EYS: variants seen among roughly 807,000 people sequenced by gnomAD.
The protein encoded by EYS is protein eyes shut homolog.
EYS carries 250 observed loss-of-function variants against 282.1 expected under a neutral mutation model. The ratio of observed to expected loss-of-function variants is 0.89; its 90% CI spans 0.80 to 0.98. The LOEUF (loss-of-function observed/expected upper bound fraction) is 0.98. Among genes scored for constraint, EYS ranks in the 50% least tolerant of loss-of-function variants. The pLI, the probability that EYS is intolerant of heterozygous loss-of-function variation, is 0.00. For synonymous variants in EYS, 1,355 were observed against 1,282.9 expected (o/e 1.06, Z -1.20); for missense variants, 4,016 against 3,709.0 (o/e 1.08, Z -2.15).
intron 12 of EYS, among the ~76,000 whole-genome samples, chr6:65,091,879 G>C (rs1774579595): frequency 6.6e-6 from 1 of 152,060 alleles, no homozygotes; most frequent in African/African-American, 2.4e-5. Flanking sequence ...CTGCACTGCT[G>C]ACTCTGTAGG....
In EYS at chr6:63,999,078, A is replaced by T. The variant is rs1270742107; in HGVS notation, c.6831T>A (p.Ser2277=). Residue 2277 remains serine, a synonymous_variant, in exon 34 of 43, where the codon TCT becomes TCA. Coordinates refer to ENST00000503581, the MANE Select transcript of EYS (RefSeq NM_001142800.2). ...QKKDTEISHA[S]QAYFESMFLG... is the part of the protein sequence containing the mutation. ...AACTGGATATTTGCATACCTACCTG[A>T]GAGGCATGGGAAATCTCTGTGTCTT... The T allele has an allele frequency of 5.8e-6, 9 of 1,540,278 alleles. No homozygotes were observed. The South Asian group carries it at 1.1e-4, about 18-fold the overall frequency.
At chr6:64,094,987 AT>A (rs1285952758) in intron 31 of EYS, among the ~76,000 whole-genome samples, 1 of 152,014 alleles carries the variant, frequency 6.6e-6, no homozygotes, top group East Asian at 1.9e-4. Flanking sequence ...GGACATCTTT[AT>A]TTCTGCCTTC....
intron 19 of EYS, among the ~76,000 whole-genome samples, chr6:64,868,462 G>A (rs901390041): frequency 3.3e-5 from 5 of 151,470 alleles, no homozygotes; most frequent in Admixed American, 2.6e-4. Flanking sequence ...CAATGATTAT[G>A]TAATCTTATA....
intron 15 of EYS, among the ~76,000 whole-genome samples, chr6:64,923,077 C>G (rs901626146): frequency 6.6e-6 from 1 of 151,896 alleles, no homozygotes; most frequent in Non-Finnish European, 1.5e-5. Context: ...GGCCATTTGG[C>G]TTTGCTTCTG....
intron 22 of EYS, among the ~76,000 whole-genome samples, chr6:64,767,837 G>A (rs574135569): frequency 5.3e-5 from 8 of 152,066 alleles, no homozygotes; most frequent in East Asian, 1.9e-4. Context: ...AGTTCAAGTC[G>A]TAGTTTTTTG....
intron 5 of EYS, among the ~76,000 whole-genome samples, chr6:65,407,562 T>C (rs1023183016): frequency 6.6e-6 from 1 of 152,124 alleles, no homozygotes; most frequent in African/African-American, 2.4e-5. Context: ...CCTTGAAGTA[T>C]TGTTTTTAAT....
chr6:65,168,243 G>A (rs1055724132), intron 12 of EYS, among the ~76,000 whole-genome samples: 3 of 151,166 alleles, frequency 2.0e-5, no homozygotes, highest in African/African-American at 7.3e-5. Flanking sequence ...TGGCAGGCCT[G>A]GAAGTTCAGT....
chr6:65,621,577 T>C, intron 2 of EYS, among the ~76,000 whole-genome samples: 1 of 151,478 alleles, frequency 6.6e-6, no homozygotes, highest in Non-Finnish European at 1.5e-5. Flanking sequence ...TTGTTATGTG[T>C]GAATTTGATC....
intron 35 of EYS, among the ~76,000 whole-genome samples, chr6:63,883,456 C>T (rs1773184865): frequency 6.6e-6 from 1 of 152,208 alleles, no homozygotes; most frequent in Non-Finnish European, 1.5e-5. Context: ...GTCAATGCCC[C>T]ACGGGGGAAA....
intron 41 of EYS, among the ~76,000 whole-genome samples, chr6:63,749,222 A>G (rs796471477): frequency 2.0e-4 from 30 of 152,200 alleles, no homozygotes; most frequent in African/African-American, 7.0e-4. Context: ...CTTGATTTCT[A>G]TGTTAATTTC....
At chr6:64,539,799 A>G (rs1764641062) in intron 26 of EYS, among the ~76,000 whole-genome samples, 1 of 152,164 alleles carries the variant, frequency 6.6e-6, no homozygotes, top group Non-Finnish European at 1.5e-5. Context: ...TTTCTTTCCA[A>G]CTAACATGCA....
At chr6:64,188,793 G>A (rs1257250177) in intron 31 of EYS, among the ~76,000 whole-genome samples, 1 of 152,138 alleles carries the variant, frequency 6.6e-6, no homozygotes. Context: ...GCGTGCACAT[G>A]TACACATGTT....
intron 2 of EYS, among the ~76,000 whole-genome samples, chr6:65,631,163 G>C (rs1766896920): frequency 6.6e-6 from 1 of 152,134 alleles, no homozygotes; most frequent in South Asian, 2.1e-4. Context: ...CCAAGTTTTT[G>C]GTGACAATGA....
intron 5 of EYS, among the ~76,000 whole-genome samples, chr6:65,437,112 T>C (rs539760523): frequency 2.6e-5 from 4 of 152,226 alleles, no homozygotes; most frequent in African/African-American, 9.6e-5. Context: ...ATTATGTTTC[T>C]CTTTTTCTTT....
At chr6:65,123,758 C>CCA (rs34701707) in intron 12 of EYS, among the ~76,000 whole-genome samples, 18,850 of 146,916 alleles carry the variant, frequency 0.13, 1,122 homozygotes, top group Non-Finnish European at 0.14. Context: ...ACCCACCCAC[C>CCA]CACACACACA....
chr6:64,454,241 C>T (rs75148046), intron 26 of EYS, among the ~76,000 whole-genome samples: 3,709 of 152,206 alleles, frequency 0.024, 122 homozygotes, highest in African/African-American at 0.076. Flanking sequence ...TTCCATTTGA[C>T]AGATTGTCAA....
rs371884238 is a variant in EYS, at chr6:64,875,437, C to G, written c.2992+11260G>C. ...AGTTGGGTGCTCCGGGCTATATCTT[C>G]TTCCTTGTCCAGCCTCTGATATCAG... On this transcript the variant is annotated intron_variant, in intron 19 of 42. Coordinates refer to ENST00000503581, the MANE Select transcript of EYS (RefSeq NM_001142800.2). Among the ~76,000 whole-genome samples, 13 of 152,200 alleles carry G rather than the reference C, an allele frequency of 8.5e-5. No homozygotes were observed. The East Asian group carries it at 2.3e-3, about 27-fold the overall frequency.
chr6:64,447,158 C>G (rs1445121909), intron 26 of EYS, among the ~76,000 whole-genome samples: 2 of 152,052 alleles, frequency 1.3e-5, no homozygotes, highest in Non-Finnish European at 2.9e-5. Flanking sequence ...GTAAGCAGAT[C>G]AGCAACTGTG....
rs1345342926 is a variant in EYS at position 64,617,531 on chromosome 6, A to G, written c.3571T>C (p.Trp1191Arg). The G allele has an allele frequency of 2.6e-6, 4 of 1,531,628 alleles. No homozygotes were observed. In the South Asian group the frequency reaches 4.8e-5, roughly 19 times the overall value. 94.9% of individuals were successfully genotyped at this position (1,531,628 alleles called of 1,614,324 possible). A position where few individuals can be genotyped will look rare whatever the true frequency, so the allele number is the denominator to read the frequency against. The change falls in exon 24 of 43, where the codon TGG (tryptophan) becomes CGG (arginine). Residue 1191 changes from tryptophan (W) to arginine (R), a missense_variant and splice_region_variant. Coordinates refer to ENST00000503581, the MANE Select transcript of EYS (RefSeq NM_001142800.2). Reference sequence around the variant, plus strand: ...TCATTCTCACAGTGGTGTCCAGACCATCCTGTTCAACAAAATTACAAAGCA... The same window carrying G: ...TCATTCTCACAGTGGTGTCCAGACCGTCCTGTTCAACAAAATTACAAAGCA... Reference protein sequence around the residue: ...NGYVCKCQPGWSGHHCENELE... With the variant: ...NGYVCKCQPGRSGHHCENELE...
Sources: gnomAD v4.1 joint callset for allele counts (sites outside exome capture counted in the v4.1 genomes callset) on GRCh38, gnomAD v4.1.1 for gene constraint, MANE v1.5 for transcripts, NCBI Gene and HGNC (gene_info 2026-07-23, HGNC 2026-07-21) for gene names.